Variants in DLC1 observed in about 807,000 individuals in gnomAD.
DLC1 encodes rho GTPase-activating protein 7.
In DLC1, 54 loss-of-function variants were observed where a neutral mutation model predicts 140.3. The observed-to-expected ratio is 0.38, with a 90% CI of 0.31 to 0.48. The LOEUF is 0.48. DLC1 is among the 20% of genes least tolerant of loss of function. The probability of loss-of-function intolerance (pLI) is 0.96; values close to 1 mark genes in which losing one functional copy is unlikely to be tolerated. For synonymous variants in DLC1, 986 were observed against 728.1 expected (o/e 1.35, Z -5.70); for missense variants, 2,536 against 1,907.0 (o/e 1.33, Z -6.14).
At chr8:13,446,132 C>T (rs904253300) in intron 2 of DLC1, among the ~76,000 whole-genome samples, 1 of 152,116 alleles carries the variant, frequency 6.6e-6, no homozygotes, top group Non-Finnish European at 1.5e-5. Flanking sequence ...GAACTCTCCC[C>T]CCCTCTGTGT....
intron 5 of DLC1, among the ~76,000 whole-genome samples, chr8:13,284,847 T>C (rs1400766606): frequency 3.3e-5 from 5 of 152,176 alleles, no homozygotes; most frequent in Non-Finnish European, 7.3e-5. Flanking sequence ...ATTTGTACAC[T>C]GAAAAACTAC....
intron 2 of DLC1, among the ~76,000 whole-genome samples, chr8:13,453,742 A>T (rs947933043): frequency 6.6e-6 from 1 of 150,852 alleles, no homozygotes; most frequent in Non-Finnish European, 1.5e-5. Context: ...TTGAAACTCA[A>T]TAGTACTTTG....
At chr8:13,359,223 C>A (rs1835102935) in intron 4 of DLC1, among the ~76,000 whole-genome samples, 1 of 152,140 alleles carries the variant, frequency 6.6e-6, no homozygotes, top group Non-Finnish European at 1.5e-5. Context: ...CAGGCGTGAG[C>A]CACCGCACCC....
At chr8:13,090,496 G>T (rs766281934) in intron 14 of DLC1, 26 bp from the exon 15 acceptor site, 1 of 1,611,604 alleles carries the variant, frequency 6.2e-7, no homozygotes, top group South Asian at 1.1e-5. Flanking sequence ...CAGACAGAAA[G>T]GAGGTGAGTC....
At chr8:13,525,037 T>C (rs878926324) in intron 1 of DLC1, among the ~76,000 whole-genome samples, 1 of 152,204 alleles carries the variant, frequency 6.6e-6, no homozygotes, top group Admixed American at 6.5e-5. Flanking sequence ...ACTGATCTGC[T>C]TTCTGTCACT....
intron 4 of DLC1, among the ~76,000 whole-genome samples, chr8:13,371,255 C>A (rs1371956441): frequency 6.6e-6 from 1 of 152,174 alleles, no homozygotes; most frequent in Non-Finnish European, 1.5e-5. Flanking sequence ...TCGGCGTCAT[C>A]ATTTTGTCCC....
chr8:13,255,795 G>A (rs1034255086), intron 5 of DLC1, among the ~76,000 whole-genome samples: 1 of 152,212 alleles, frequency 6.6e-6, no homozygotes, highest in African/African-American at 2.4e-5. Flanking sequence ...TACTATCCAC[G>A]CTCGTCTTTG....
At chr8:13,435,070 G>T (rs1380008910) in intron 2 of DLC1, among the ~76,000 whole-genome samples, 1 of 152,148 alleles carries the variant, frequency 6.6e-6, no homozygotes, top group African/African-American at 2.4e-5. Context: ...AGTACATTAA[G>T]AGCCTTCTGG....
chr8:13,522,748 G>A (rs1802803336), intron 1 of DLC1, among the ~76,000 whole-genome samples: 1 of 151,986 alleles, frequency 6.6e-6, no homozygotes, highest in Admixed American at 6.6e-5. Flanking sequence ...TGCTAAGGAG[G>A]GTGTGGAATG....
intron 5 of DLC1, among the ~76,000 whole-genome samples, chr8:13,239,683 A>G (rs1465147843): frequency 6.6e-6 from 1 of 152,196 alleles, no homozygotes; most frequent in East Asian, 1.9e-4. Context: ...GAGGGAGATA[A>G]TCCTGATATG....
chr8:13,375,540 A>G (rs928197993), intron 4 of DLC1, among the ~76,000 whole-genome samples: 1 of 152,158 alleles, frequency 6.6e-6, no homozygotes, highest in Non-Finnish European at 1.5e-5. Flanking sequence ...AACTTCCAAC[A>G]CTATGTTGAA....
Position 13,185,300 on chromosome 8 carries a change from G to C in DLC1, c.1349-69643C>G, listed in dbSNP as rs1200017839. Among the ~76,000 whole-genome samples, 800 of 133,140 alleles carry C rather than the reference G, an allele frequency of 6.0e-3. 12 individuals are homozygous for C. Among genetic ancestry groups the C allele is most frequent in the African/African-American group, 0.021 (750 of 36,136 alleles). 87.3% of individuals were successfully genotyped at this position (133,140 alleles called of 152,430 possible). On this transcript the variant is annotated intron_variant, in intron 5 of 17. Transcript: ENST00000276297. Reference sequence around the variant, plus strand: ...TCTTTTCTGTTTTTTTTGTTTGTTTGTTTGTTTGTTTGTTTGTTTGTTTTT... The same window carrying C: ...TCTTTTCTGTTTTTTTTGTTTGTTTCTTTGTTTGTTTGTTTGTTTGTTTTT...
chr8:13,223,729 G>C (rs1308181873), intron 5 of DLC1, among the ~76,000 whole-genome samples: 1 of 152,086 alleles, frequency 6.6e-6, no homozygotes, highest in East Asian at 1.9e-4. Context: ...GGTCTGTTAG[G>C]AATACATATA....
chr8:13,421,518 C>G (rs1838319681), intron 2 of DLC1, among the ~76,000 whole-genome samples: 1 of 152,088 alleles, frequency 6.6e-6, no homozygotes, highest in Non-Finnish European at 1.5e-5. Flanking sequence ...AAAGCATAAA[C>G]AGCTATGAGG....
chr8:13,144,146 CA>C lies in DLC1; in HGVS notation c.1349-28490del, dbSNP rs547469331. 7.9e-5 allele frequency among the ~76,000 whole-genome samples: 12 copies of C among 152,318 alleles called. No individual in the cohort carries two copies. In the South Asian group the frequency reaches 2.1e-3, roughly 26 times the overall value. On this transcript the variant is annotated intron_variant, in intron 5 of 17. Coordinates refer to ENST00000276297, the MANE Select transcript of DLC1 (RefSeq NM_182643.3). ...AGAAAGATCTCTCACCCAATTTGGA[CA>C]GGCACTGTCCAATCAACTGAGCACC...
intron 4 of DLC1, among the ~76,000 whole-genome samples, chr8:13,362,300 G>A (rs778379409): frequency 6.6e-6 from 1 of 152,196 alleles, no homozygotes; most frequent in Non-Finnish European, 1.5e-5. Context: ...AAAGAGCCCA[G>A]TGTTTTGGGG....
At chr8:13,133,650 C>T (rs1822333038) in intron 5 of DLC1, among the ~76,000 whole-genome samples, 1 of 151,766 alleles carries the variant, frequency 6.6e-6, no homozygotes, top group Non-Finnish European at 1.5e-5. Context: ...CTATTGGCCC[C>T]GGGTGCAAAG....
At chr8:13,380,567 G>A (rs1256319924) in intron 4 of DLC1, among the ~76,000 whole-genome samples, 2 of 152,150 alleles carry the variant, frequency 1.3e-5, no homozygotes, top group East Asian at 3.9e-4. Context: ...TTTAAATATA[G>A]TATTAATGAA....
chr8:13,264,935 C>A (rs1369187980), intron 5 of DLC1, among the ~76,000 whole-genome samples: 1 of 152,174 alleles, frequency 6.6e-6, no homozygotes. Context: ...AGCAACATCA[C>A]CTTCACTTTA....
Sources: allele counts gnomAD v4.1 joint callset (sites outside exome capture counted in the v4.1 genomes callset), GRCh38; gene constraint gnomAD v4.1.1; transcripts MANE v1.5; gene names NCBI Gene and HGNC (gene_info 2026-07-23, HGNC 2026-07-21).